Variants in MBTD1 observed in about 807,000 individuals in gnomAD.
MBTD1 encodes mbt domain containing 1.
In MBTD1, 24 loss-of-function variants were observed where a neutral mutation model predicts 87.8. That is an observed-to-expected ratio of 0.27 (90% confidence interval 0.20 to 0.38). The LOEUF (loss-of-function observed/expected upper bound fraction) is 0.38. Ranked by LOEUF, MBTD1 falls within the 10% of genes least tolerant of loss-of-function variation. The pLI, the probability that MBTD1 is intolerant of heterozygous loss-of-function variation, is 1.00. For synonymous variants in MBTD1, 237 were observed against 248.6 expected, an observed-to-expected ratio of 0.95 and a Z score of 0.44; for missense variants, 436 against 760.2, an observed-to-expected ratio of 0.57 and a Z score of 5.02.
At chr17:51,210,960 A>G (rs1211828031) in intron 6 of MBTD1, among the ~76,000 whole-genome samples, 1 of 152,014 alleles carries the variant, frequency 6.6e-6, no homozygotes, top group African/African-American at 2.4e-5. Context: ...AACAAGGTGA[A>G]ACCCTGTCTC....
intron 16 of MBTD1, among the ~76,000 whole-genome samples, chr17:51,190,459 C>T (rs1302693462): frequency 6.6e-6 from 1 of 151,854 alleles, no homozygotes; most frequent in Non-Finnish European, 1.5e-5. Context: ...AGGATCACAC[C>T]TGTAATCCCA....
At chr17:51,252,010 C>T (rs997952286) in intron 2 of MBTD1, among the ~76,000 whole-genome samples, 7 of 152,204 alleles carry the variant, frequency 4.6e-5, no homozygotes, top group Non-Finnish European at 8.8e-5. Flanking sequence ...AGTGATTGGC[C>T]CACTTCGGCC....
chr17:51,231,108 T>C (rs1223822071), intron 2 of MBTD1, among the ~76,000 whole-genome samples: 1 of 152,134 alleles, frequency 6.6e-6, no homozygotes, highest in Non-Finnish European at 1.5e-5. Flanking sequence ...AGGCTAACTT[T>C]TGTATTTTTA....
intron 2 of MBTD1, among the ~76,000 whole-genome samples, chr17:51,255,316 C>G (rs1483625489): frequency 6.6e-6 from 1 of 151,958 alleles, no homozygotes; most frequent in East Asian, 1.9e-4. Flanking sequence ...AATTCAACAG[C>G]TTATTCAGTA....
At chr17:51,212,142 G>A (rs138268972) in intron 6 of MBTD1, among the ~76,000 whole-genome samples, 59 of 152,162 alleles carry the variant, frequency 3.9e-4, no homozygotes, top group South Asian at 2.1e-3. Flanking sequence ...GACAGATCAC[G>A]AGGTCAGGAG....
At chr17:51,238,000 C>A (rs990009980) in intron 2 of MBTD1, among the ~76,000 whole-genome samples, 1 of 152,016 alleles carries the variant, frequency 6.6e-6, no homozygotes, top group Non-Finnish European at 1.5e-5. Flanking sequence ...TAAGCCAGAC[C>A]CAAAAACGTC....
rs1491325264 is a variant in MBTD1 at position 51,179,482 on chromosome 17, T to TTATATATATATATATATTTATA, written c.*1093_*1094insTATAAATATATATATATATATA. On this transcript the variant is annotated 3_prime_UTR_variant, in exon 17 of 17. Coordinates refer to ENST00000586178, the MANE Select transcript of MBTD1 (RefSeq NM_017643.3). Reference sequence around the variant, plus strand: ...AAATCCTGAATACAATTAAAGACAATTTTATATATATATATATATATATAT... The same window carrying TTATATATATATATATATTTATA: ...AAATCCTGAATACAATTAAAGACAATTATATATATATATATATTTATATTTATATATATATATATATATATAT... 1 of 31,640 alleles carries TTATATATATATATATATTTATA rather than the reference T, an allele frequency of 3.2e-5. No individual in the cohort carries two copies. The highest frequency in any genetic ancestry group is 1.8e-4 in the African/African-American group (1 of 5,700). The allele number at this position is 31,640 out of a possible 1,614,324, so 2.0% of individuals were successfully genotyped here.
In MBTD1 at chr17:51,179,482, TTTTA is replaced by T. The variant is rs1334424275; in HGVS notation, c.*1090_*1093del. ...AAATCCTGAATACAATTAAAGACAA[TTTTA>T]TATATATATATATATATATATATAT... On this transcript the variant is annotated 3_prime_UTR_variant, in exon 17 of 17. Coordinates refer to ENST00000586178, the MANE Select transcript of MBTD1 (RefSeq NM_017643.3). The T allele has an allele frequency of 0.02, 640 of 31,614 alleles. 105 individuals are homozygous for T. The highest frequency in any genetic ancestry group is 0.058 in the East Asian group (86 of 1,494). The allele number at this position is 31,614 out of a possible 1,614,324, so 2.0% of individuals were successfully genotyped here. A position where few individuals can be genotyped will look rare whatever the true frequency, so the allele number is the denominator to read the frequency against.
chr17:51,203,817 C>T lies in MBTD1; in HGVS notation c.713G>A (p.Ser238Asn). 6.2e-7 allele frequency: 1 copy of T among 1,612,770 alleles called. No homozygotes were observed. Among genetic ancestry groups the T allele is most frequent in the Non-Finnish European group, 8.5e-7 (1 of 1,179,678 alleles). Reference protein sequence around the residue: ...DIHPVGWCAASGKPLVPPRTI... With the variant: ...DIHPVGWCAANGKPLVPPRTI... ...TCTAGGAGGAACAAGAGGTTTTCCG[C>T]TGGCTGCACACCAACCAACTGGATG... The change falls in exon 8 of 17, where the codon AGC (serine) becomes AAC (asparagine). Residue 238 changes from serine to asparagine, a missense_variant. Ser to Asn is a conservative substitution (Grantham distance 46, BLOSUM62 1). Around this residue, in one of 5 missense-constraint regions of MBTD1, gnomAD observed 268 missense variants for 401.8 expected, o/e 0.67. Transcript: ENST00000586178.
rs1568135540 is a variant in MBTD1 at position 51,179,488 on chromosome 17, A to ATATATATATATATATATATTTT, written c.*1087_*1088insAAAATATATATATATATATATA. On this transcript the variant is annotated 3_prime_UTR_variant, in exon 17 of 17. Coordinates refer to ENST00000586178, the MANE Select transcript of MBTD1 (RefSeq NM_017643.3). Reference sequence around the variant, plus strand: ...TGAATACAATTAAAGACAATTTTATATATATATATATATATATATATATAT... The same window carrying ATATATATATATATATATATTTT: ...TGAATACAATTAAAGACAATTTTATATATATATATATATATATATTTTTATATATATATATATATATATATAT... 6.5e-4 allele frequency: 12 copies of ATATATATATATATATATATTTT among 18,464 alleles called. No homozygotes were observed. The highest frequency in any genetic ancestry group is 4.3e-3 in the South Asian group (2 of 464). 1.1% of individuals were successfully genotyped at this position (18,464 alleles called of 1,614,324 possible).
rs556135777 is a variant in MBTD1 at position 51,222,956 on chromosome 17, A to G, written c.154+2052T>C. ...GCTGGGACTACAGGCACATGACACC[A>G]TGCCCAGCTAATTTTTTTCAATTTT... On this transcript the variant is annotated intron_variant, in intron 3 of 16. Coordinates refer to ENST00000586178, the MANE Select transcript of MBTD1 (RefSeq NM_017643.3). Among the ~76,000 whole-genome samples, 69 of 151,754 alleles carry G rather than the reference A, an allele frequency of 4.5e-4. No homozygotes were observed. In the Middle Eastern group the frequency reaches 0.014, roughly 30 times the overall value.
At chr17:51,195,114 C>T (rs781604023) in intron 13 of MBTD1, 100 bp downstream of exon 13, 52 of 1,009,806 alleles carry the variant, frequency 5.1e-5, no homozygotes, top group Non-Finnish European at 6.7e-5. Context: ...ACATTATATA[C>T]GTACTCAGGA....
intron 2 of MBTD1, among the ~76,000 whole-genome samples, chr17:51,255,682 G>A (rs1160967786): frequency 1.3e-5 from 2 of 151,430 alleles, no homozygotes; most frequent in African/African-American, 4.9e-5. Context: ...TTCAACCTGG[G>A]TCTCCCACCA....
At chr17:51,217,766 A>G (rs2052652754) in intron 5 of MBTD1, among the ~76,000 whole-genome samples, 1 of 151,978 alleles carries the variant, frequency 6.6e-6, no homozygotes, top group Non-Finnish European at 1.5e-5. Flanking sequence ...ATGCCACCAC[A>G]CCCAGCTAAT....
intron 2 of MBTD1, among the ~76,000 whole-genome samples, chr17:51,238,460 G>A (rs1005495748): frequency 1.3e-5 from 2 of 152,208 alleles, no homozygotes; most frequent in Admixed American, 1.3e-4. Flanking sequence ...ACAGCACAGA[G>A]GTAACGAGAG....
Position 51,227,119 on chromosome 17 carries a change from G to A in MBTD1, c.-48-1910C>T, listed in dbSNP as rs574490746. ...TAGTTGGGTGTGGTGCCAGGTGCCT[G>A]TAGTCCCAGCTACTGGGGAGGATGA... On this transcript the variant is annotated intron_variant, in intron 2 of 16. Transcript: ENST00000586178. Among the ~76,000 whole-genome samples, 6 of 152,080 alleles carry A rather than the reference G, an allele frequency of 3.9e-5. No homozygotes were observed. In the East Asian group the frequency reaches 1.2e-3, roughly 30 times the overall value.
In MBTD1 at chr17:51,259,192, A is replaced by G. The variant is rs1782710895; in HGVS notation, c.-98T>C. The G allele has an allele frequency of 6.1e-6, 7 of 1,153,762 alleles. No homozygotes were observed. Among genetic ancestry groups the G allele is most frequent in the Non-Finnish European group, 7.6e-6 (7 of 916,490 alleles). The allele number at this position is 1,153,762 out of a possible 1,614,324, so 71.5% of individuals were successfully genotyped here. A position where few individuals can be genotyped will look rare whatever the true frequency, so the allele number is the denominator to read the frequency against. ...GGACGGCTGCTTTGGATGACCTCTA[A>G]TGTCTCTTCCGACTCTGAAATGTTA... On this transcript the variant is annotated 5_prime_UTR_variant, in exon 2 of 17. Transcript: ENST00000586178.
intron 16 of MBTD1, among the ~76,000 whole-genome samples, chr17:51,190,577 T>C (rs762943097): frequency 2.0e-5 from 3 of 148,582 alleles, no homozygotes; most frequent in Non-Finnish European, 4.5e-5. Context: ...TAAAAACGAG[T>C]TGGGCATGGT....
chr17:51,191,422 C>T lies in MBTD1; in HGVS notation c.1768+781G>A, dbSNP rs80170044. 2.0e-3 allele frequency among the ~76,000 whole-genome samples: 308 copies of T among 151,466 alleles called. 3 individuals carry two copies. Among genetic ancestry groups the T allele is most frequent in the East Asian group, 0.013 (69 of 5,114 alleles). On this transcript the variant is annotated intron_variant, in intron 16 of 16. Coordinates refer to ENST00000586178, the MANE Select transcript of MBTD1 (RefSeq NM_017643.3). ...GATTACAGGCGTGCACCACCACACC[C>T]GGCTAATTTTTTAGTATAGAAAGCA...
Sources: allele counts gnomAD v4.1 joint callset (sites outside exome capture counted in the v4.1 genomes callset), GRCh38; gene constraint gnomAD v4.1.1; regional missense constraint gnomAD v4.1.1; transcripts MANE v1.5; gene names NCBI Gene and HGNC (gene_info 2026-07-23, HGNC 2026-07-21).